Variants in DRC8 observed in about 807,000 individuals in gnomAD.
DRC8 encodes dynein regulatory complex subunit 8, also known as dynein regulatory complex protein 8.
the DRC8 span, among the ~76,000 whole-genome samples, chr1:245,110,333 G>A: frequency 8.5e-5 from 13 of 152,300 alleles, no homozygotes; most frequent in African/African-American, 1.4e-4. Context: ...GCTGTGAGCC[G>A]AGATTGCACC....
At chr1:245,067,552 C>T in the DRC8 span, among the ~76,000 whole-genome samples, 3 of 152,290 alleles carry the variant, frequency 2.0e-5, no homozygotes, top group African/African-American at 7.2e-5. Context: ...CATACTACTC[C>T]AGGCATACCA....
chr1:244,997,614 G>A, the DRC8 span, among the ~76,000 whole-genome samples: 5 of 150,462 alleles, frequency 3.3e-5, no homozygotes, highest in Non-Finnish European at 7.4e-5. Context: ...TGTGATCTCG[G>A]CTCACCACAA....
At chr1:245,040,237 C>A in the DRC8 span, among the ~76,000 whole-genome samples, 5 of 152,176 alleles carry the variant, frequency 3.3e-5, no homozygotes, top group African/African-American at 1.2e-4. Context: ...TTTCCCAACA[C>A]AGAAAAATGC....
chr1:245,020,158 A>G, the DRC8 span, among the ~76,000 whole-genome samples: 1 of 151,968 alleles, frequency 6.6e-6, no homozygotes, highest in East Asian at 1.9e-4. Context: ...GTCCCCTGAG[A>G]GGTCTAGGTC....
At chr1:245,004,740 G>A in the DRC8 span, among the ~76,000 whole-genome samples, 1 of 152,126 alleles carries the variant, frequency 6.6e-6, no homozygotes, top group African/African-American at 2.4e-5. Flanking sequence ...CTAAGGGCAC[G>A]CAGAATACCT....
the DRC8 span, among the ~76,000 whole-genome samples, chr1:245,027,586 A>G: frequency 3.9e-5 from 6 of 152,182 alleles, no homozygotes; most frequent in Admixed American, 6.5e-5. Flanking sequence ...TTTTTAAACT[A>G]TCTATTTCGA....
chr1:245,097,612 T>C, the DRC8 span, among the ~76,000 whole-genome samples: 1 of 152,084 alleles, frequency 6.6e-6, no homozygotes, highest in Admixed American at 6.6e-5. The surrounding 1 kb of genome is among the most constrained non-coding windows in gnomAD (Gnocchi z 5.0). Context: ...GGCTGTGAGG[T>C]TGACAGTAGG....
chr1:245,071,756 C>G, the DRC8 span, among the ~76,000 whole-genome samples: 4 of 152,188 alleles, frequency 2.6e-5, no homozygotes, highest in African/African-American at 9.6e-5. Flanking sequence ...AAAGATTTTA[C>G]TTCAAAGATG....
the DRC8 span, among the ~76,000 whole-genome samples, chr1:245,085,683 A>T: frequency 1.3e-5 from 2 of 152,130 alleles, no homozygotes; most frequent in African/African-American, 4.8e-5. Flanking sequence ...GATGACTCAC[A>T]TGGTGTGTGA....
the DRC8 span, among the ~76,000 whole-genome samples, chr1:245,077,030 T>A: frequency 4.6e-5 from 7 of 152,250 alleles, no homozygotes; most frequent in African/African-American, 1.2e-4. Flanking sequence ...GAATTCTGAA[T>A]ATCTGCTCTG....
the DRC8 span, among the ~76,000 whole-genome samples, chr1:245,025,111 C>T: frequency 9.9e-5 from 15 of 151,932 alleles, no homozygotes; most frequent in Middle Eastern, 3.2e-3. Flanking sequence ...TGGAAACAAA[C>T]GAATGTCATT....
At chr1:245,014,031 C>CAAAA in the DRC8 span, among the ~76,000 whole-genome samples, 2 of 93,086 alleles carry the variant, frequency 2.1e-5, no homozygotes, top group Non-Finnish European at 3.9e-5. Flanking sequence ...GACTCCATCT[C>CAAAA]AAAAAAAAAA....
At chr1:244,996,882 A>C in the DRC8 span, among the ~76,000 whole-genome samples, 1 of 152,054 alleles carries the variant, frequency 6.6e-6, no homozygotes, top group Admixed American at 6.6e-5. Flanking sequence ...TGTGGCGGGG[A>C]TAGGCTCCAG....
chr1:245,072,287 T>C, the DRC8 span, among the ~76,000 whole-genome samples: 1 of 152,214 alleles, frequency 6.6e-6, no homozygotes, highest in Non-Finnish European at 1.5e-5. Context: ...GAAACCTTTT[T>C]TCTTTTTTCT....
the DRC8 span, among the ~76,000 whole-genome samples, chr1:245,118,241 T>C: frequency 6.6e-6 from 1 of 152,050 alleles, no homozygotes; most frequent in Non-Finnish European, 1.5e-5. Flanking sequence ...ATTTTGAGAT[T>C]GAAATCGCAG....
chr1:245,085,501 T>G, the DRC8 span, among the ~76,000 whole-genome samples: 1 of 152,002 alleles, frequency 6.6e-6, no homozygotes, highest in African/African-American at 2.4e-5. Flanking sequence ...GAGGTAGGAA[T>G]GAACATGCTA....
chr1:245,011,915 C>G, the DRC8 span, among the ~76,000 whole-genome samples: 47 of 152,172 alleles, frequency 3.1e-4, no homozygotes, highest in African/African-American at 9.2e-4. Flanking sequence ...ATCACTGAAG[C>G]CTTTTATTGA....
the DRC8 span, among the ~76,000 whole-genome samples, chr1:245,009,865 T>G: frequency 6.6e-6 from 1 of 152,054 alleles, no homozygotes; most frequent in South Asian, 2.1e-4. Context: ...TTTTGTTTGT[T>G]TGTTTTTGAG....
At chr1:245,042,913 C>A in the DRC8 span, among the ~76,000 whole-genome samples, 1 of 152,082 alleles carries the variant, frequency 6.6e-6, no homozygotes, top group Non-Finnish European at 1.5e-5. Flanking sequence ...CAAGCTTCCC[C>A]GGGTCAAACA....
Sources: gnomAD v4.1 joint callset for allele counts (sites outside exome capture counted in the v4.1 genomes callset) on GRCh38, gnomAD v4.1.1 for gene constraint, Gnocchi (gnomAD v3.1) non-coding constraint, MANE v1.5 for transcripts, NCBI Gene and HGNC (gene_info 2026-07-23, HGNC 2026-07-21) for gene names.